Variants in NOTCH3 observed in about 807,000 individuals in gnomAD.
NOTCH3 encodes neurogenic locus notch homolog protein 3.
Under a neutral mutation model 213.3 loss-of-function variants are expected in NOTCH3, and 86 were observed. The observed-to-expected ratio is 0.40, with a 90% CI of 0.34 to 0.48. The LOEUF (loss-of-function observed/expected upper bound fraction) is 0.48, where lower values mean the gene tolerates loss of function less well. NOTCH3 is among the 20% of genes least tolerant of loss of function. The probability of loss-of-function intolerance (pLI) is 0.57; values close to 1 mark genes in which losing one functional copy is unlikely to be tolerated. For missense variants in NOTCH3, 2,783 were observed against 3,272.6 expected, an observed-to-expected ratio of 0.85 and a Z score of 3.65; for synonymous variants, 1,354 against 1,355.9, an observed-to-expected ratio of 1.00 and a Z score of 0.03.
rs772296803 is a variant in NOTCH3 at position 15,161,538 on chromosome 19, G to C, written c.6090C>G (p.Pro2030=). 5.0e-6 allele frequency: 8 copies of C among 1,604,798 alleles called. No individual in the cohort carries two copies. In the South Asian group the frequency reaches 9.0e-5, roughly 18 times the overall value. Residue 2030 remains proline (P), a synonymous_variant, in exon 33 of 33, where the codon CCC becomes CCG. Transcript: ENST00000263388. ...IVRLLDQPSG[P]RSPPGPHGLG... ...GGCCGTGGGGACCGGGGGGGCTGCGGGGCCCACTGGGTTGATCCAGCAAGC... is the reference window on the plus strand; with the variant it reads ...GGCCGTGGGGACCGGGGGGGCTGCGCGGCCCACTGGGTTGATCCAGCAAGC...
chr19:15,170,592 G>T (rs1055425444), intron 26 of NOTCH3, 39 bp from the exon 27 acceptor site: 9 of 1,591,500 alleles, frequency 5.7e-6, no homozygotes, highest in Non-Finnish European at 6.8e-6. Flanking sequence ...TCAGCCGAGG[G>T]CGGGGCTTTG....
At chr19:15,162,757 GTC>G (rs201077766) in intron 31 of NOTCH3, among the ~76,000 whole-genome samples, 195 bp from the exon 32 acceptor site, 1,287 of 38,554 alleles carry the variant, frequency 0.033, 23 homozygotes, top group African/African-American at 0.2. Context: ...AGCACTTTGT[GTC>G]TGTGTGTGTG....
rs760768552 is a variant in NOTCH3, at chr19:15,186,911, G to A, written c.1918C>T (p.Arg640Cys). Residue 640 changes from arginine (R) to cysteine (C), a missense_variant, in exon 12 of 33, where the codon CGC becomes TGC. By Grantham distance (180) the Arg-to-Cys change is radical. Coordinates refer to ENST00000263388, the MANE Select transcript of NOTCH3 (RefSeq NM_000435.3). ...CCAGGTTGGCAGACACAGTCGTAGC[G>A]GTTGATGCCATCACGGCAGACTCCA... is the stretch of plus-strand genomic sequence containing the variant. ...TFGVCRDGINRYDCVCQPGFT... is the reference protein window; with the variant it reads ...TFGVCRDGINCYDCVCQPGFT... The A allele has an allele frequency of 2.8e-5, 46 of 1,614,080 alleles. No individual in the cohort carries two copies. The highest frequency in any genetic ancestry group is 2.2e-4 in the East Asian group (10 of 44,896).
In NOTCH3 at chr19:15,161,003, G is replaced by T. The variant is rs1245935191; in HGVS notation, c.6625C>A (p.Pro2209Thr). 1 of 1,548,532 alleles carries T rather than the reference G, an allele frequency of 6.5e-7. No individual in the cohort carries two copies. Among genetic ancestry groups the T allele is most frequent in the Non-Finnish European group, 8.7e-7 (1 of 1,147,868 alleles). ...GTPVSPQERP[P>T]PYLAVPGHGE... ...TGTCCTGGGACTGCCAGGTAAGGCG[G>T]GGGCCGCTCCTGCGGGGAGACGGGG... The change falls in exon 33 of 33, where the codon CCG becomes ACG. Residue 2209 changes from proline (P) to threonine (T), a missense_variant. Physicochemically the swap from Pro to Thr is conservative, Grantham distance 38 (BLOSUM62 -1). Around this residue, in one of 6 missense-constraint regions of NOTCH3, gnomAD observed 441 missense variants for 432.1 expected, o/e 1.02. Transcript: ENST00000263388.
rs2046805915 is a variant in NOTCH3 at position 15,177,932 on chromosome 19, C to T, written c.3996G>A (p.Pro1332=). 2 of 1,292,056 alleles carry T rather than the reference C, an allele frequency of 1.5e-6. No individual in the cohort carries two copies. Among genetic ancestry groups the T allele is most frequent in the Non-Finnish European group, 2.0e-6 (2 of 1,023,228 alleles). The allele number at this position is 1,292,056 out of a possible 1,614,324, so 80.0% of individuals were successfully genotyped here. The change falls in exon 24 of 33, where the codon CCG becomes CCA. Residue 1332 remains proline, a synonymous_variant. Transcript: ENST00000263388. ...CCGCGCAGCTGGCGTTGCTGGCCCC[C>T]GGCGGCGACCCCGGGAAGCTGCGGC... ...PSCRSFPGSP[P]GASNASCAAA...
Position 15,187,317 on chromosome 19 carries a change from T to A in NOTCH3, c.1628A>T (p.Asp543Val). 6.2e-7 allele frequency: 1 copy of A among 1,613,698 alleles called. No individual in the cohort carries two copies. Among genetic ancestry groups the A allele is most frequent in the Non-Finnish European group, 8.5e-7 (1 of 1,179,932 alleles). The change falls in exon 11 of 33, where the codon GAT (aspartate) becomes GTT (valine). Residue 543 changes from aspartate (D) to valine (V), a missense_variant. Coordinates refer to ENST00000263388, the MANE Select transcript of NOTCH3 (RefSeq NM_000435.3). ...CAEGFEGTLC[D>V]RNVDDCSPDP... ...AGGGGAGCAGTCGTCCACGTTGCGA[T>A]CACACAGCGTGCCCTCAAAGCCTGT...
chr19:15,197,749 G>T (rs896568214), intron 1 of NOTCH3, among the ~76,000 whole-genome samples, 171 bp from the exon 2 acceptor site: 1 of 78,700 alleles, frequency 1.3e-5, no homozygotes, highest in Non-Finnish European at 2.5e-5. Flanking sequence ...CCCCCCCCCC[G>T]CCCCAGCCCC....
At chr19:15,182,547 A>C (rs1292941112) in intron 16 of NOTCH3, among the ~76,000 whole-genome samples, 1 of 151,848 alleles carries the variant, frequency 6.6e-6, no homozygotes, top group South Asian at 2.1e-4. Context: ...CTCATTAACA[A>C]TTTTATACTG....
intron 28 of NOTCH3, 77 bp downstream of exon 28, chr19:15,170,009 C>G (rs1219020561): frequency 5.1e-6 from 4 of 790,442 alleles, no homozygotes; most frequent in Non-Finnish European, 8.7e-6. Context: ...TCACGCCCAT[C>G]ATCCACTGGG....
chr19:15,167,864 T>A (rs1269508688), intron 28 of NOTCH3, among the ~76,000 whole-genome samples: 1 of 148,652 alleles, frequency 6.7e-6, no homozygotes, highest in Non-Finnish European at 1.5e-5. Context: ...CCCAAGGAGG[T>A]AATAAAAGGA....
Position 15,174,192 on chromosome 19 carries a change from T to TGGCGCTGAGCCGCTGCAGAAA in NOTCH3, c.4591_4611dup (p.Phe1531_Ala1537dup), listed in dbSNP as rs1391158950. On this transcript the variant is annotated inframe_insertion, in exon 25 of 33. Transcript: ENST00000263388. ...CGGAAGCGCAGCGAGGTGCGCAGGA[T>TGGCGCTGAGCCGCTGCAGAAA]GGCGCTGAGCCGCTGCAGAAAGTCG... 6.2e-7 allele frequency: 1 copy of TGGCGCTGAGCCGCTGCAGAAA among 1,608,570 alleles called. No individual in the cohort carries two copies. Among genetic ancestry groups the TGGCGCTGAGCCGCTGCAGAAA allele is most frequent in the Non-Finnish European group, 8.5e-7 (1 of 1,179,430 alleles).
At chr19:15,163,656 C>A (rs1432096518) in intron 31 of NOTCH3, among the ~76,000 whole-genome samples, 1 of 152,124 alleles carries the variant, frequency 6.6e-6, no homozygotes, top group Non-Finnish European at 1.5e-5. Flanking sequence ...CAAAGTGAGA[C>A]CCCATTTCCA....
intron 18 of NOTCH3, 46 bp from the exon 19 acceptor site, chr19:15,180,874 T>G (rs1189318591): frequency 1.9e-6 from 3 of 1,607,610 alleles, no homozygotes; most frequent in East Asian, 2.2e-5. Context: ...TGGGGGGTAG[T>G]CTGGGAGAAA....
At chr19:15,164,368 C>T (rs941217293) in intron 31 of NOTCH3, among the ~76,000 whole-genome samples, 16 of 151,850 alleles carry the variant, frequency 1.1e-4, no homozygotes, top group African/African-American at 3.1e-4. Context: ...TGCGAAACCC[C>T]GTCTCTACTA....
intron 2 of NOTCH3, among the ~76,000 whole-genome samples, chr19:15,197,109 T>G (rs1026941653): frequency 3.3e-5 from 5 of 152,026 alleles, no homozygotes; most frequent in Non-Finnish European, 7.4e-5. Flanking sequence ...GGGAGGGGTG[T>G]GGAGGGTGTG....
At chr19:15,191,294 A>G in intron 6 of NOTCH3, 130 bp downstream of exon 6, 1 of 866,352 alleles carries the variant, frequency 1.2e-6, no homozygotes, top group African/African-American at 1.7e-5. Flanking sequence ...GGGCCTCCCA[A>G]AGTGCTATGA....
At chr19:15,200,717 C>A (rs938024758) in intron 1 of NOTCH3, 71 bp downstream of exon 1, 1 of 1,143,132 alleles carries the variant, frequency 8.7e-7, no homozygotes, top group Non-Finnish European at 1.1e-6. Flanking sequence ...CCCCCGCCAG[C>A]CCCGGCCTTG....
chr19:15,169,186 GTCTC>G (rs56916343), intron 28 of NOTCH3, among the ~76,000 whole-genome samples: 139 of 146,742 alleles, frequency 9.5e-4, no homozygotes, highest in East Asian at 3.1e-3. Flanking sequence ...TGTCAAATCT[GTCTC>G]TCTCTCTCTC....
chr19:15,183,285 T>C (rs2046854588), intron 16 of NOTCH3, among the ~76,000 whole-genome samples: 1 of 152,140 alleles, frequency 6.6e-6, no homozygotes, highest in African/African-American at 2.4e-5. Flanking sequence ...AAATATTAAA[T>C]TTAATATCTC....
Sources: gnomAD v4.1 joint callset for allele counts (sites outside exome capture counted in the v4.1 genomes callset) on GRCh38, gnomAD v4.1.1 for gene constraint, gnomAD v4.1.1 regional missense constraint, MANE v1.5 for transcripts, NCBI Gene and HGNC (gene_info 2026-07-23, HGNC 2026-07-21) for gene names.